The following CES1 variants were observed in gnomAD, a reference collection of about 807,000 sequenced individuals.
The protein encoded by CES1 is liver carboxylesterase 1.
Under a neutral mutation model 53.0 loss-of-function variants are expected in CES1, and 50 were observed. The ratio of observed to expected loss-of-function variants is 0.94; its 90% CI spans 0.75 to 1.19. The LOEUF (loss-of-function observed/expected upper bound fraction) is 1.19. CES1 is among the 50% of genes most tolerant of loss of function. The pLI, the probability that CES1 is intolerant of heterozygous loss-of-function variation, is 0.00. For missense variants in CES1, 534 were observed against 538.0 expected (o/e 0.99, Z 0.07); for synonymous variants, 202 against 210.1 (o/e 0.96, Z 0.33).
At chr16:55,822,850 C>T (rs1388536942) in intron 4 of CES1, among the ~76,000 whole-genome samples, 5 of 152,076 alleles carry the variant, frequency 3.3e-5, no homozygotes, top group African/African-American at 4.8e-5. Flanking sequence ...CATTGATGAC[C>T]GCAATGAGAC....
rs183339319 is a variant in CES1 at position 55,829,147 on chromosome 16, T to C, written c.53-173A>G. On this transcript the variant is annotated intron_variant, in intron 1 of 13. Coordinates refer to ENST00000360526, the MANE Select transcript of CES1 (RefSeq NM_001025195.2). ...GACGATCAATGTCCTCCCTAACCCA[T>C]TGAGCTGGTTTAATGGGCAAACTAG... 5.5e-4 allele frequency among the ~76,000 whole-genome samples: 83 copies of C among 152,192 alleles called. No individual in the cohort carries two copies. The Middle Eastern group carries it at 0.01, about 19-fold the overall frequency.
chr16:55,821,227 T>G, intron 5 of CES1, 141 bp downstream of exon 5: 1 of 1,134,056 alleles, frequency 8.8e-7, no homozygotes, highest in South Asian at 1.3e-5. Flanking sequence ...TTCTACCCCC[T>G]GATGCTGGGC....
chr16:55,831,517 G>T (rs546832766), intron 1 of CES1, among the ~76,000 whole-genome samples: 1 of 147,300 alleles, frequency 6.8e-6, no homozygotes, highest in African/African-American at 2.6e-5. Flanking sequence ...TGCCAGGCAT[G>T]CATTCCAGTT....
rs371066291 is a variant in CES1 at position 55,820,227 on chromosome 16, C to T, written c.801+145G>A. 800 of 627,706 alleles carry T rather than the reference C, an allele frequency of 1.3e-3. 7 individuals carry two copies. The African/African-American group carries it at 0.013, about 10-fold the overall frequency. 38.9% of individuals were successfully genotyped at this position (627,706 alleles called of 1,614,324 possible). A position where few individuals can be genotyped will look rare whatever the true frequency, so the allele number is the denominator to read the frequency against. On this transcript the variant is annotated intron_variant, in intron 6 of 13. Transcript: ENST00000360526. ...GGACGCTGATCAAGGTGTCTCCTCG[C>T]CCTTCCTGCTCAGCCATTGGTGCCT...
chr16:55,811,824 A>G (rs746168590), intron 9 of CES1, among the ~76,000 whole-genome samples: 45 of 152,208 alleles, frequency 3.0e-4, no homozygotes, highest in Admixed American at 5.9e-4. Flanking sequence ...TCTCTTTGCA[A>G]TGCAAACATT....
intron 1 of CES1, among the ~76,000 whole-genome samples, chr16:55,831,491 G>A (rs1469459481): frequency 6.6e-6 from 1 of 150,908 alleles, no homozygotes; most frequent in Non-Finnish European, 1.5e-5. Flanking sequence ...CACGAACATG[G>A]TGGGCACCTA....
intron 10 of CES1, 94 bp from the exon 11 acceptor site, chr16:55,810,758 A>T: frequency 6.6e-7 from 1 of 1,517,386 alleles, no homozygotes; most frequent in South Asian, 1.1e-5. Flanking sequence ...GAACCCCATA[A>T]GCCCTGTGCA....
intron 1 of CES1, among the ~76,000 whole-genome samples, 155 bp downstream of exon 1, chr16:55,832,849 C>T (rs1213276202): frequency 1.3e-5 from 2 of 152,250 alleles, no homozygotes; most frequent in African/African-American, 2.4e-5. Context: ...GCTGGCCGGG[C>T]TCAGCTGCTC....
intron 5 of CES1, among the ~76,000 whole-genome samples, chr16:55,821,028 AG>A (rs1464409166): frequency 2.6e-5 from 4 of 151,908 alleles, no homozygotes; most frequent in African/African-American, 9.7e-5. Flanking sequence ...TCCCAAGAGA[AG>A]GGATGTGAGT....
chr16:55,818,046 A>G (rs1370716847), intron 7 of CES1, among the ~76,000 whole-genome samples: 4 of 152,200 alleles, frequency 2.6e-5, no homozygotes, highest in African/African-American at 9.7e-5. Context: ...AAGCACCAAT[A>G]CCACATTGGA....
Position 55,811,017 on chromosome 16 carries a change from A to ACC in CES1, c.1087-8_1087-7insGG. ...GTGGATAGCTCATCAACTGCTAAAA[A>ACC]AAAAAAAAAGTTCAGCATTTATGAA... On this transcript the variant is annotated splice_polypyrimidine_tract_variant and splice_region_variant and intron_variant, in intron 9 of 13. Transcript: ENST00000360526. 3 of 1,576,596 alleles carry ACC rather than the reference A, an allele frequency of 1.9e-6. No homozygotes were observed. Among genetic ancestry groups the ACC allele is most frequent in the Non-Finnish European group, 2.6e-6 (3 of 1,150,558 alleles).
At chr16:55,832,134 C>G (rs558536580) in intron 1 of CES1, among the ~76,000 whole-genome samples, 3,498 of 151,000 alleles carry the variant, frequency 0.023, 10 homozygotes, top group African/African-American at 0.081. Context: ...GCCCCTGTGC[C>G]CCAGAGCCCC....
intron 8 of CES1, among the ~76,000 whole-genome samples, chr16:55,814,464 T>A (rs564313783): frequency 3.9e-5 from 6 of 152,384 alleles, no homozygotes; most frequent in African/African-American, 1.4e-4. Flanking sequence ...CTCTGCTACT[T>A]ACTGGCTGGG....
chr16:55,821,835 T>TA, intron 4 of CES1, among the ~76,000 whole-genome samples: 1 of 152,060 alleles, frequency 6.6e-6, no homozygotes, highest in Non-Finnish European at 1.5e-5. Context: ...GATAAACAGA[T>TA]ACATAGAGAG....
chr16:55,826,381 T>C (rs1341444739), intron 2 of CES1, 86 bp from the exon 3 acceptor site: 23 of 1,506,668 alleles, frequency 1.5e-5, no homozygotes, highest in African/African-American at 4.2e-5. Flanking sequence ...CTGGGAGGTT[T>C]AAGCCTGGAA....
chr16:55,814,312 T>C (rs752993178), intron 8 of CES1, among the ~76,000 whole-genome samples: 24 of 152,256 alleles, frequency 1.6e-4, no homozygotes, highest in Admixed American at 6.5e-5. Flanking sequence ...GCCCAACTCA[T>C]GTGTTGCCAT....
At chr16:55,822,314 G>A (rs2032231763) in intron 4 of CES1, among the ~76,000 whole-genome samples, 1 of 152,194 alleles carries the variant, frequency 6.6e-6, no homozygotes, top group Admixed American at 6.5e-5. Context: ...TCATAATCAA[G>A]GTGACAGACA....
At chr16:55,822,903 TGGA>T (rs2032260615) in intron 4 of CES1, among the ~76,000 whole-genome samples, 1 of 151,842 alleles carries the variant, frequency 6.6e-6, no homozygotes, top group African/African-American at 2.4e-5. Flanking sequence ...CTGGCATGGA[TGGA>T]GGAGAACCTT....
chr16:55,818,330 G>A (rs1350441368), intron 7 of CES1, among the ~76,000 whole-genome samples: 2 of 152,236 alleles, frequency 1.3e-5, no homozygotes, highest in African/African-American at 4.8e-5. Flanking sequence ...GAGCAGGGAA[G>A]GCAGAAGATA....
Sources: gnomAD v4.1 joint callset for allele counts (sites outside exome capture counted in the v4.1 genomes callset) on GRCh38, gnomAD v4.1.1 for gene constraint, MANE v1.5 for transcripts, NCBI Gene and HGNC (gene_info 2026-07-23, HGNC 2026-07-21) for gene names.